Variants in SQOR observed in about 807,000 individuals in gnomAD.
SQOR encodes sulfide:quinone oxidoreductase, mitochondrial.
Under a neutral mutation model 48.6 loss-of-function variants are expected in SQOR, and 39 were observed. That is an observed-to-expected ratio of 0.80 (90% CI 0.62 to 1.05). The LOEUF (loss-of-function observed/expected upper bound fraction) is 1.05. Among genes scored for constraint, SQOR ranks in the 50% least tolerant of loss-of-function variants. The pLI is 0.00. For synonymous variants in SQOR, 220 were observed against 206.2 expected, an observed-to-expected ratio of 1.07 and a Z score of -0.57; for missense variants, 561 against 559.9, an observed-to-expected ratio of 1.00 and a Z score of -0.02.
At chr15:45,653,257 C>T (rs745905799) in intron 1 of SQOR, among the ~76,000 whole-genome samples, 1 of 152,216 alleles carries the variant, frequency 6.6e-6, no homozygotes, top group Non-Finnish European at 1.5e-5. Context: ...GCCAGCCAGG[C>T]AGGGCATCTG....
At chr15:45,690,529 T>TA (rs1372252260) in intron 9 of SQOR, among the ~76,000 whole-genome samples, 3 of 152,180 alleles carry the variant, frequency 2.0e-5, no homozygotes, top group Non-Finnish European at 2.9e-5. Flanking sequence ...TTTTGGTTGT[T>TA]ACAACTGGAG....
rs536774203 is a variant in SQOR, at chr15:45,676,528, C to T, written c.864+218C>T. 1.2e-4 allele frequency among the ~76,000 whole-genome samples: 18 copies of T among 152,268 alleles called. No individual in the cohort carries two copies. In the East Asian group the frequency reaches 2.1e-3, roughly 18 times the overall value. On this transcript the variant is annotated intron_variant, in intron 6 of 9. Coordinates refer to ENST00000260324, the MANE Select transcript of SQOR (RefSeq NM_021199.4). ...GTGTCAGTGGGAGGTGAGAAGGTGTCGTTAGCTGGTGCCAAGTGAATTTTT... is the reference window on the plus strand; with the variant it reads ...GTGTCAGTGGGAGGTGAGAAGGTGTTGTTAGCTGGTGCCAAGTGAATTTTT...
At chr15:45,671,978 T>A (rs957726407) in intron 4 of SQOR, among the ~76,000 whole-genome samples, 6 of 152,158 alleles carry the variant, frequency 3.9e-5, no homozygotes, top group Non-Finnish European at 8.8e-5. Flanking sequence ...GGGAAGCAAC[T>A]CTGACTAGAT....
At chr15:45,645,585 C>T (rs1895190258) in intron 1 of SQOR, among the ~76,000 whole-genome samples, 1 of 152,192 alleles carries the variant, frequency 6.6e-6, no homozygotes, top group African/African-American at 2.4e-5. Flanking sequence ...TCAGCCCTGC[C>T]TGCCTGAGTG....
chr15:45,663,679 A>T (rs1403966431), intron 3 of SQOR, among the ~76,000 whole-genome samples: 1 of 152,100 alleles, frequency 6.6e-6, no homozygotes, highest in East Asian at 1.9e-4. Flanking sequence ...AGGTGGGAGG[A>T]TCACTTGAGC....
At chr15:45,648,806 A>G (rs1272206561) in intron 1 of SQOR, among the ~76,000 whole-genome samples, 1 of 152,234 alleles carries the variant, frequency 6.6e-6, no homozygotes, top group East Asian at 1.9e-4. Flanking sequence ...CAAGAGCTGG[A>G]CACTGTTTAA....
rs1430980247 is a variant in SQOR, at chr15:45,659,143, G to T, written c.220G>T (p.Val74Phe). 3.9e-6 allele frequency: 6 copies of T among 1,539,684 alleles called. No individual in the cohort carries two copies. Among genetic ancestry groups the T allele is most frequent in the Non-Finnish European group, 5.3e-6 (6 of 1,137,568 alleles). ...RKVGAENVAI[V>F]EPSERHFYQP... ...AGTGGGTGCAGAGAATGTGGCCATTGTTGAGCCCAGTGAGGTAAGCCTCCC... is the reference window on the plus strand; with the variant it reads ...AGTGGGTGCAGAGAATGTGGCCATTTTTGAGCCCAGTGAGGTAAGCCTCCC... The change falls in exon 2 of 10, where the codon GTT (valine) becomes TTT (phenylalanine). Residue 74 changes from valine to phenylalanine, a missense_variant. Val to Phe is a conservative substitution (Grantham distance 50, BLOSUM62 -1). Transcript: ENST00000260324.
At chr15:45,645,429 T>C (rs1208299931) in intron 1 of SQOR, among the ~76,000 whole-genome samples, 1 of 152,184 alleles carries the variant, frequency 6.6e-6, no homozygotes, top group Non-Finnish European at 1.5e-5. Flanking sequence ...TGGGTGTGCC[T>C]GTGAGGGGGT....
At chr15:45,685,958 C>T (rs1289909254) in intron 7 of SQOR, among the ~76,000 whole-genome samples, 1 of 137,706 alleles carries the variant, frequency 7.3e-6, no homozygotes, top group African/African-American at 2.7e-5. Context: ...TCCACTTCAA[C>T]CCCCACCCCC....
intron 2 of SQOR, 71 bp from the exon 3 acceptor site, chr15:45,661,884 C>T (rs1889726873): frequency 6.8e-7 from 1 of 1,475,734 alleles, no homozygotes; most frequent in South Asian, 1.3e-5. Flanking sequence ...GAATCTAGCC[C>T]ATACTGTTAG....
In SQOR at chr15:45,671,308, C is replaced by T. The variant is rs186305021; in HGVS notation, c.459+1327C>T. 1.4e-4 allele frequency among the ~76,000 whole-genome samples: 21 copies of T among 152,270 alleles called. 1 individual carries two copies. Among genetic ancestry groups the T allele is most frequent in the Non-Finnish European group, 3.1e-4 (21 of 68,028 alleles). ...TAGCTGGGATTACAGGTGCCCACCA[C>T]CATGCCCGGCTAATTTTTGTATTTT... On this transcript the variant is annotated intron_variant, in intron 4 of 9. Transcript: ENST00000260324.
chr15:45,684,078 AT>A (rs35433736), intron 7 of SQOR, among the ~76,000 whole-genome samples: 57,069 of 151,532 alleles, frequency 0.38, 12,856 homozygotes, highest in Middle Eastern at 0.57. Context: ...CACCTGGCTA[AT>A]TTTTTTTATT....
chr15:45,668,103 C>T (rs1296622763), intron 3 of SQOR, among the ~76,000 whole-genome samples: 1 of 151,924 alleles, frequency 6.6e-6, no homozygotes, highest in East Asian at 1.9e-4. Context: ...CGCCACCATA[C>T]CCAGCTAATT....
At chr15:45,683,894 TTG>T (rs751513051) in intron 7 of SQOR, among the ~76,000 whole-genome samples, 141 of 62,562 alleles carry the variant, frequency 2.3e-3, no homozygotes, top group Non-Finnish European at 6.3e-3. Context: ...ATATATATTT[TTG>T]TTTGTTTGTT....
At chr15:45,649,271 T>C (rs1889414690) in intron 1 of SQOR, among the ~76,000 whole-genome samples, 1 of 152,214 alleles carries the variant, frequency 6.6e-6, no homozygotes, top group Non-Finnish European at 1.5e-5. Context: ...CGCTGTCTTA[T>C]CTTTCAATCA....
chr15:45,679,722 G>C (rs1329709863), intron 6 of SQOR, among the ~76,000 whole-genome samples: 3 of 152,192 alleles, frequency 2.0e-5, no homozygotes, highest in Admixed American at 6.5e-5. Context: ...GAAGTGACTT[G>C]TCCAAATAAT....
chr15:45,683,633 CA>C (rs1890163432), intron 7 of SQOR, among the ~76,000 whole-genome samples: 1 of 152,118 alleles, frequency 6.6e-6, no homozygotes, highest in Non-Finnish European at 1.5e-5. Flanking sequence ...CTGACTATTT[CA>C]ACCTCAAGGT....
At chr15:45,663,399 A>G (rs1292074491) in intron 3 of SQOR, among the ~76,000 whole-genome samples, 1 of 152,134 alleles carries the variant, frequency 6.6e-6, no homozygotes, top group Non-Finnish European at 1.5e-5. Context: ...AAATGCACCT[A>G]TGTATCAGAT....
In SQOR at chr15:45,659,051, A is replaced by G. The variant is rs144678798; in HGVS notation, c.128A>G (p.His43Arg). The G allele has an allele frequency of 6.9e-6, 11 of 1,599,188 alleles. No individual in the cohort carries two copies. In the African/African-American group the frequency reaches 9.4e-5, roughly 14 times the overall value. Reference sequence around the variant, plus strand: ...GGGGCCAGCCATGCGGCCAGGAACCATTATGAGGTGCTGGTGCTGGGTGGG... The same window carrying G: ...GGGGCCAGCCATGCGGCCAGGAACCGTTATGAGGTGCTGGTGCTGGGTGGG... ...HTGASHAARN[H>R]YEVLVLGGGS... Residue 43 changes from histidine to arginine, a missense_variant, in exon 2 of 10, where the codon CAT becomes CGT. Transcript: ENST00000260324.
Sources: allele counts gnomAD v4.1 joint callset (sites outside exome capture counted in the v4.1 genomes callset), GRCh38; gene constraint gnomAD v4.1.1; transcripts MANE v1.5; gene names NCBI Gene and HGNC (gene_info 2026-07-23, HGNC 2026-07-21).